Variants in PCDHGA2 observed in about 807,000 individuals in gnomAD.
PCDHGA2 encodes the protein protocadherin gamma-A2.
A neutral mutation model predicts 59.2 loss-of-function variants in PCDHGA2; 40 were observed. That is an observed-to-expected ratio of 0.68 (90% CI 0.52 to 0.88). The LOEUF is 0.88. PCDHGA2 is among the 40% of genes least tolerant of loss of function. The pLI, the probability that PCDHGA2 is intolerant of heterozygous loss-of-function variation, is 0.00. For synonymous variants in PCDHGA2, 560 were observed against 526.0 expected (o/e 1.06, Z -0.89); for missense variants, 1,226 against 1,204.0 (o/e 1.02, Z -0.27).
At chr5:141,470,628 G>T (rs1475199767) in intron 1 of PCDHGA2, among the ~76,000 whole-genome samples, 12 of 152,146 alleles carry the variant, frequency 7.9e-5, no homozygotes, top group Admixed American at 7.9e-4. Flanking sequence ...GCTTAGATAG[G>T]CCCCCTTGCT....
intron 1 of PCDHGA2, among the ~76,000 whole-genome samples, chr5:141,455,130 A>G (rs1446894125): frequency 6.6e-6 from 1 of 150,872 alleles, no homozygotes; most frequent in South Asian, 2.1e-4. Flanking sequence ...GTTTTAAATT[A>G]CACTGTGTTA....
chr5:141,499,174 C>T (rs930279867), intron 2 of PCDHGA2, among the ~76,000 whole-genome samples: 20 of 152,198 alleles, frequency 1.3e-4, no homozygotes, highest in Middle Eastern at 3.4e-3. Flanking sequence ...AGCTCTGAGC[C>T]CAGCAAACCA....
chr5:141,449,283 A>C (rs937339676), intron 1 of PCDHGA2, among the ~76,000 whole-genome samples: 1 of 152,102 alleles, frequency 6.6e-6, no homozygotes, highest in African/African-American at 2.4e-5. Flanking sequence ...CTTCACCCGG[A>C]TGCACCGGGT....
intron 1 of PCDHGA2, chr5:141,351,868 C>T (rs1336199372): frequency 1.2e-6 from 2 of 1,613,164 alleles, no homozygotes; most frequent in South Asian, 1.1e-5. Context: ...AGGGCTCCCC[C>T]GCGCTCAGCG....
At chr5:141,433,347 C>T (rs1207853986) in intron 1 of PCDHGA2, 3 of 626,596 alleles carry the variant, frequency 4.8e-6, no homozygotes, top group Non-Finnish European at 8.3e-6. Context: ...GTGCAAGCCA[C>T]CTACTGTCTG....
chr5:141,460,556 T>C (rs762545295), intron 1 of PCDHGA2, among the ~76,000 whole-genome samples: 10 of 152,152 alleles, frequency 6.6e-5, no homozygotes, highest in Admixed American at 3.3e-4. Context: ...CAAAAATCAT[T>C]TGGCCATGGA....
At position 141,431,590 on chromosome 5, in the gene PCDHGA2, G is replaced by A; in HGVS notation, c.2425-63217G>A. On this transcript the variant is annotated intron_variant, in intron 1 of 3. Transcript: ENST00000394576. The surrounding 1 kb of genome is among the most constrained non-coding windows in gnomAD (Gnocchi z 4.8). ...CTGACGAAGGAGTCAATGCGGAAGT[G>A]AGGTATTCCTTCCGGTATGTGGACG... 1.2e-6 allele frequency: 2 copies of A among 1,614,240 alleles called. No homozygotes were observed. Among genetic ancestry groups the A allele is most frequent in the South Asian group, 1.1e-5 (1 of 91,090 alleles).
At chr5:141,388,465 T>C in intron 1 of PCDHGA2, 2 of 1,613,816 alleles carry the variant, frequency 1.2e-6, no homozygotes, top group Non-Finnish European at 1.7e-6. Flanking sequence ...TACCCTGAGA[T>C]GGTATTGAAG....
intron 1 of PCDHGA2, chr5:141,403,028 G>A (rs1396801327): frequency 6.2e-7 from 1 of 1,614,074 alleles, no homozygotes; most frequent in Admixed American, 1.7e-5. Context: ...GCTATGGGAG[G>A]CCAGGGCCAG....
At chr5:141,430,996 G>A (rs1256552269) in intron 1 of PCDHGA2, 6 of 1,614,024 alleles carry the variant, frequency 3.7e-6, no homozygotes, top group Non-Finnish European at 5.1e-6. Context: ...CCCTGAATCC[G>A]CGCAGCGGCA....
Position 141,489,826 on chromosome 5 carries a change from C to T in PCDHGA2, c.2425-4981C>T, listed in dbSNP as rs1270077118. 1 of 1,614,186 alleles carries T rather than the reference C, an allele frequency of 6.2e-7. No individual in the cohort carries two copies. The highest frequency in any genetic ancestry group is 1.7e-5 in the Admixed American group (1 of 60,028). On this transcript the variant is annotated intron_variant, in intron 1 of 3. Coordinates refer to ENST00000394576, the MANE Select transcript of PCDHGA2 (RefSeq NM_018915.4). The surrounding 1 kb of genome is among the most constrained non-coding windows in gnomAD (Gnocchi z 4.5). ...TGGGAAGCCATTCCCAGAGCTGGTGCTAGAGCAGCAGCTGGATCGTGAAGC... is the reference window on the plus strand; with the variant it reads ...TGGGAAGCCATTCCCAGAGCTGGTGTTAGAGCAGCAGCTGGATCGTGAAGC...
intron 3 of PCDHGA2, 67 bp from the exon 4 acceptor site, chr5:141,510,880 G>A (rs373993657): frequency 1.9e-6 from 3 of 1,611,784 alleles, no homozygotes; most frequent in Admixed American, 3.3e-5. Context: ...AACTGCTGGG[G>A]ATATAAGACA....
intron 1 of PCDHGA2, chr5:141,420,220 A>G (rs2096478738): frequency 6.2e-7 from 1 of 1,608,142 alleles, no homozygotes; most frequent in African/African-American, 1.3e-5. Flanking sequence ...ATAGCATGCT[A>G]CTGGCTAGCA....
At chr5:141,403,638 A>C in intron 1 of PCDHGA2, 1 of 1,613,906 alleles carries the variant, frequency 6.2e-7, no homozygotes, top group East Asian at 2.2e-5. Context: ...GTGCGCATCC[A>C]TGTGACAGTG....
In PCDHGA2 at chr5:141,432,690, T is replaced by A. The variant is rs764124373; in HGVS notation, c.2425-62117T>A. 5.0e-6 allele frequency: 8 copies of A among 1,613,854 alleles called. No individual in the cohort carries two copies. The highest frequency in any genetic ancestry group is 2.7e-5 in the African/African-American group (2 of 74,940). ...GACGCGCTCAAGCAGAGCCTCGTAGTGGCCGTCCAGGACCACGGCCAGCCC... is the reference window on the plus strand; with the variant it reads ...GACGCGCTCAAGCAGAGCCTCGTAGAGGCCGTCCAGGACCACGGCCAGCCC... On this transcript the variant is annotated intron_variant, in intron 1 of 3. Coordinates refer to ENST00000394576, the MANE Select transcript of PCDHGA2 (RefSeq NM_018915.4). This position sits in a 1 kb window ranked among gnomAD's most constrained non-coding sequence, Gnocchi z 6.0.
chr5:141,384,595 G>A, intron 1 of PCDHGA2: 1 of 1,614,198 alleles, frequency 6.2e-7, no homozygotes, highest in Non-Finnish European at 8.5e-7. Flanking sequence ...CCTGTACCCG[G>A]CCCTCCCCAC....
chr5:141,405,401 TC>T (rs1176566209), intron 1 of PCDHGA2: 1 of 1,591,534 alleles, frequency 6.3e-7, no homozygotes, highest in Non-Finnish European at 8.6e-7. Flanking sequence ...TTTCTTTCTT[TC>T]TTTTCTTTTT....
At chr5:141,384,811 C>A (rs1273757599) in intron 1 of PCDHGA2, 1 of 1,613,338 alleles carries the variant, frequency 6.2e-7, no homozygotes, top group Admixed American at 1.7e-5. Context: ...CAGAGATGCC[C>A]TCAAGCAGAG....
chr5:141,398,799 C>T (rs2093705548), intron 1 of PCDHGA2: 3 of 1,613,848 alleles, frequency 1.9e-6, no homozygotes, highest in East Asian at 2.2e-5. Context: ...CCCTAAGCGG[C>T]ACCACTGAGC....
Sources: allele counts gnomAD v4.1 joint callset (sites outside exome capture counted in the v4.1 genomes callset), GRCh38; gene constraint gnomAD v4.1.1; non-coding constraint Gnocchi (gnomAD v3.1); transcripts MANE v1.5; gene names NCBI Gene and HGNC (gene_info 2026-07-23, HGNC 2026-07-21).